PLAAT1: variants seen among roughly 807,000 people sequenced by gnomAD.
PLAAT1 encodes phospholipase A and acyltransferase 1.
A neutral mutation model predicts 16.4 loss-of-function variants in PLAAT1; 13 were observed. The observed-to-expected ratio is 0.79, with a 90% CI of 0.52 to 1.26. PLAAT1 has a LOEUF of 1.26. PLAAT1 is among the 50% of genes most tolerant of loss of function. PLAAT1 has a pLI of 0.00. For missense variants in PLAAT1, 218 were observed against 207.8 expected (o/e 1.05, Z -0.30); for synonymous variants, 73 against 78.4 (o/e 0.93, Z 0.36).
intron 2 of PLAAT1, among the ~76,000 whole-genome samples, chr3:193,260,002 A>G (rs1716524163): frequency 6.6e-6 from 1 of 152,210 alleles, no homozygotes; most frequent in Non-Finnish European, 1.5e-5. Flanking sequence ...TGGTACAAAA[A>G]CAGACACACA....
intron 1 of PLAAT1, among the ~76,000 whole-genome samples, chr3:193,253,430 T>C (rs78482629): frequency 6.6e-6 from 1 of 152,162 alleles, no homozygotes; most frequent in African/African-American, 2.4e-5. Flanking sequence ...ACATAAACCA[T>C]GTACCAATCT....
chr3:193,253,629 A>G (rs948930842), intron 1 of PLAAT1, among the ~76,000 whole-genome samples: 1 of 152,138 alleles, frequency 6.6e-6, no homozygotes, highest in Non-Finnish European at 1.5e-5. Context: ...CAACATGAGG[A>G]AACAGACTAA....
downstream of PLAAT1, among the ~76,000 whole-genome samples, chr3:193,272,077 A>G (rs1286019262): frequency 1.3e-5 from 2 of 151,948 alleles, no homozygotes; most frequent in East Asian, 3.9e-4. Context: ...ATGAGAGAAA[A>G]TTTCTCTTTC....
Position 193,255,759 on chromosome 3 carries a change from GATGGTTACGTTATCAAC to G in PLAAT1, c.112_128del (p.Gly38SerfsTer20). 1 of 1,610,308 alleles carries G rather than the reference GATGGTTACGTTATCAAC, an allele frequency of 6.2e-7. No homozygotes were observed. The highest frequency in any genetic ancestry group is 8.5e-7 in the Non-Finnish European group (1 of 1,177,804). On this transcript the variant is annotated frameshift_variant, in exon 2 of 4. Transcript: ENST00000264735. LOFTEE classifies it high-confidence loss of function. ...TCAGCACTGGGCCCTGTACTTGGGTGATGGTTACGTTATCAACATAGCACCTGTAGGTGAGGTTTATT... is the reference window on the plus strand; with the variant it reads ...TCAGCACTGGGCCCTGTACTTGGGTGATAGCACCTGTAGGTGAGGTTTATT...
chr3:193,244,091 G>A (rs993545624), intron 1 of PLAAT1, among the ~76,000 whole-genome samples: 2 of 152,222 alleles, frequency 1.3e-5, no homozygotes, highest in Non-Finnish European at 2.9e-5. Flanking sequence ...TCCATGGTAG[G>A]CCTGCACACA....
intron 3 of PLAAT1, among the ~76,000 whole-genome samples, chr3:193,263,459 A>G (rs1244872772): frequency 6.7e-6 from 1 of 149,248 alleles, no homozygotes; most frequent in Non-Finnish European, 1.5e-5. Context: ...TTGAAGTAGA[A>G]TCAAGACAAT....
intron 1 of PLAAT1, among the ~76,000 whole-genome samples, chr3:193,250,720 C>T (rs1236586505): frequency 2.0e-5 from 3 of 152,112 alleles, no homozygotes; most frequent in Admixed American, 6.5e-5. Context: ...ATCTCACACC[C>T]TCCTGGCAGG....
intron 2 of PLAAT1, 73 bp from the exon 3 acceptor site, chr3:193,262,897 A>T (rs1042694547): frequency 1.3e-6 from 2 of 1,481,662 alleles, no homozygotes; most frequent in South Asian, 1.2e-5. Context: ...CAGCATTTCC[A>T]AAGTCTTTAG....
intron 1 of PLAAT1, among the ~76,000 whole-genome samples, chr3:193,254,616 T>C (rs890391647): frequency 6.6e-6 from 1 of 152,148 alleles, no homozygotes; most frequent in African/African-American, 2.4e-5. Flanking sequence ...TTCTAAAAAG[T>C]ATTGACTTAA....
At chr3:193,275,235 C>CTAAA (rs767922033), downstream of PLAAT1, 1 of 1,614,136 alleles carries the variant, frequency 6.2e-7, no homozygotes. Flanking sequence ...CCTATATTGA[C>CTAAA]TTTTAGAGTA....
chr3:193,247,739 A>G (rs934311013), intron 1 of PLAAT1, among the ~76,000 whole-genome samples: 8 of 152,264 alleles, frequency 5.3e-5, no homozygotes, highest in Non-Finnish European at 7.4e-5. Flanking sequence ...AGAGTTTTCC[A>G]AGATTCCTCC....
intron 1 of PLAAT1, among the ~76,000 whole-genome samples, chr3:193,254,751 T>G (rs545097368): frequency 6.6e-6 from 1 of 152,278 alleles, no homozygotes; most frequent in African/African-American, 2.4e-5. Context: ...AAGTGAGGAA[T>G]CTGACAATAA....
At chr3:193,275,141 G>C (rs201331139), downstream of PLAAT1, 51 of 1,614,164 alleles carry the variant, frequency 3.2e-5, no homozygotes, top group Middle Eastern at 3.3e-4. Flanking sequence ...CGTTGATGTA[G>C]AATCCATTTT....
chr3:193,240,889 G>T (rs556904323), upstream of PLAAT1, among the ~76,000 whole-genome samples: 3 of 152,098 alleles, frequency 2.0e-5, no homozygotes, highest in South Asian at 6.4e-4. Context: ...CTCATGATGG[G>T]TGTACCCGAA....
intron 1 of PLAAT1, among the ~76,000 whole-genome samples, chr3:193,251,287 C>A (rs573731234): frequency 1.3e-5 from 2 of 152,190 alleles, no homozygotes; most frequent in African/African-American, 4.8e-5. Flanking sequence ...GGAATTGTCA[C>A]TAGAACAAAC....
chr3:193,274,885 T>A, downstream of PLAAT1: 1 of 1,035,246 alleles, frequency 9.7e-7, no homozygotes, highest in Non-Finnish European at 1.4e-6. Flanking sequence ...TAAGCCTATC[T>A]AAGGTCCCTT....
chr3:193,247,571 A>G (rs76245315), intron 1 of PLAAT1, among the ~76,000 whole-genome samples: 4,251 of 152,294 alleles, frequency 0.028, 86 homozygotes, highest in Middle Eastern at 0.075. Context: ...ATTCCTGGTC[A>G]TGAGACAAGA....
At chr3:193,249,141 T>C (rs574850337) in intron 1 of PLAAT1, among the ~76,000 whole-genome samples, 5 of 152,254 alleles carry the variant, frequency 3.3e-5, no homozygotes, top group African/African-American at 2.4e-5. Flanking sequence ...CCATATCTTA[T>C]TCCCTTCTAC....
chr3:193,255,844 G>T (rs1716354781), intron 2 of PLAAT1, 55 bp downstream of exon 2: 1 of 1,422,876 alleles, frequency 7.0e-7, no homozygotes, highest in South Asian at 1.6e-5. Context: ...TCTTGTTACA[G>T]GAAGTAATCA....
Sources: allele counts gnomAD v4.1 joint callset (sites outside exome capture counted in the v4.1 genomes callset), GRCh38; gene constraint gnomAD v4.1.1; transcripts MANE v1.5; gene names NCBI Gene and HGNC (gene_info 2026-07-23, HGNC 2026-07-21).